ZNF277: variants seen among roughly 807,000 people sequenced by gnomAD.
ZNF277 encodes zinc finger protein 277, also known as nuclear receptor-interacting factor 4.
A neutral mutation model predicts 60.7 loss-of-function variants in ZNF277; 55 were observed. The observed-to-expected ratio is 0.91, with a 90% CI of 0.73 to 1.13. The LOEUF (loss-of-function observed/expected upper bound fraction) is 1.13, where lower values mean the gene tolerates loss of function less well. Ranked by LOEUF, ZNF277 falls within the 50% of genes most tolerant of loss-of-function variation. ZNF277 has a pLI of 0.00. For missense variants in ZNF277, 510 were observed against 523.0 expected, an observed-to-expected ratio of 0.98 and a Z score of 0.24; for synonymous variants, 178 against 179.3, an observed-to-expected ratio of 0.99 and a Z score of 0.06.
intron 5 of ZNF277, among the ~76,000 whole-genome samples, chr7:112,318,651 G>A (rs1161667065): frequency 2.0e-5 from 3 of 152,030 alleles, no homozygotes; most frequent in East Asian, 3.8e-4. Context: ...AGAAGTGGGG[G>A]CACTGGTGAT....
intron 2 of ZNF277, among the ~76,000 whole-genome samples, chr7:112,289,802 A>G (rs1235054722): frequency 6.6e-6 from 1 of 151,166 alleles, no homozygotes; most frequent in Non-Finnish European, 1.5e-5. Context: ...TTGGCTCAGT[A>G]CAACCTCCAC....
chr7:112,252,610 A>G (rs1417823432), intron 1 of ZNF277, among the ~76,000 whole-genome samples: 1 of 152,210 alleles, frequency 6.6e-6, no homozygotes, highest in African/African-American at 2.4e-5. Flanking sequence ...CAAACCTGGA[A>G]TCTGGGGGCA....
chr7:112,272,533 G>A (rs149222092), intron 1 of ZNF277, among the ~76,000 whole-genome samples: 1,929 of 151,998 alleles, frequency 0.013, 50 homozygotes, highest in African/African-American at 0.043. Flanking sequence ...TTCCTCTGTC[G>A]CCCAGGCTGG....
At chr7:112,210,959 T>C (rs1821729869) in intron 1 of ZNF277, among the ~76,000 whole-genome samples, 1 of 152,238 alleles carries the variant, frequency 6.6e-6, no homozygotes, top group Non-Finnish European at 1.5e-5. Flanking sequence ...ATAATACATT[T>C]AGGAGGCTTT....
chr7:112,294,584 G>C (rs1431510222), intron 2 of ZNF277, among the ~76,000 whole-genome samples: 1 of 152,172 alleles, frequency 6.6e-6, no homozygotes, highest in Non-Finnish European at 1.5e-5. Context: ...TACAGGAGAA[G>C]AAAAACTTAA....
chr7:112,267,095 A>G (rs1473163249), intron 1 of ZNF277, among the ~76,000 whole-genome samples: 1 of 152,162 alleles, frequency 6.6e-6, no homozygotes, highest in Non-Finnish European at 1.5e-5. Context: ...CCTAATTGTG[A>G]ATCACTGGTT....
chr7:112,285,433 A>C lies in ZNF277; in HGVS notation c.92-1440A>C, dbSNP rs113073121. 1.0e-2 allele frequency among the ~76,000 whole-genome samples: 1,321 copies of C among 132,370 alleles called. 19 individuals carry two copies. The highest frequency in any genetic ancestry group is 0.044 in the African/African-American group (1,252 of 28,698). The allele number at this position is 132,370 out of a possible 152,430, so 86.8% of individuals were successfully genotyped here. A position where few individuals can be genotyped will look rare whatever the true frequency, so the allele number is the denominator to read the frequency against. On this transcript the variant is annotated intron_variant, in intron 1 of 11. Coordinates refer to ENST00000361822, the MANE Select transcript of ZNF277 (RefSeq NM_021994.3). ...ATAAAGTAAGAAAAAAAAAATAGGA[A>C]ATTTTTTTTTTTTTTTTTTGGAATG... is the stretch of plus-strand genomic sequence containing the variant.
In ZNF277 at chr7:112,320,935, T is replaced by C. The variant is rs529221488; in HGVS notation, c.557+2662T>C. Among the ~76,000 whole-genome samples the C allele has an allele frequency of 1.5e-3, 220 of 142,408 alleles. 1 individual carries two copies. The highest frequency in any genetic ancestry group is 5.5e-3 in the African/African-American group (210 of 37,884). The allele number at this position is 142,408 out of a possible 152,430, so 93.4% of individuals were successfully genotyped here. On this transcript the variant is annotated intron_variant, in intron 5 of 11. Transcript: ENST00000361822. ...TTTCTTTCTTTTTTTTTTTTTTTTTTTTTTGAGATGGAGTCTCACTCTGTC... is the reference window on the plus strand; with the variant it reads ...TTTCTTTCTTTTTTTTTTTTTTTTTCTTTTGAGATGGAGTCTCACTCTGTC...
chr7:112,261,437 T>C (rs1332538588), intron 1 of ZNF277, among the ~76,000 whole-genome samples: 1 of 152,210 alleles, frequency 6.6e-6, no homozygotes, highest in Non-Finnish European at 1.5e-5. Flanking sequence ...ACTTTCTGAT[T>C]ATGTTTTTGT....
At chr7:112,308,995 TA>T (rs1217725965) in intron 4 of ZNF277, among the ~76,000 whole-genome samples, 11 of 152,098 alleles carry the variant, frequency 7.2e-5, no homozygotes, top group Admixed American at 7.2e-4. Context: ...TTCTTCTGTT[TA>T]TCTTTGTGTC....
intron 1 of ZNF277, among the ~76,000 whole-genome samples, chr7:112,243,246 A>C (rs1222412515): frequency 6.6e-6 from 1 of 152,082 alleles, no homozygotes; most frequent in East Asian, 1.9e-4. Context: ...AACCTAGGAA[A>C]AAATCTTTTG....
In ZNF277 at chr7:112,340,946, T is replaced by G. The variant is rs1380114511; in HGVS notation, c.1084T>G (p.Cys362Gly). The change falls in exon 11 of 12, where the codon TGC becomes GGC. Residue 362 changes from cysteine to glycine, a missense_variant. Physicochemically the swap from Cys to Gly is radical, Grantham distance 159. Transcript: ENST00000361822. ...RQVHQCRCYG[C>G]HVKFKSKADL... Reference sequence around the variant, plus strand: ...AGTTCACCAATGCAGATGTTATGGCTGCCATGTGAAGTTCAAATCCAAAGC... The same window carrying G: ...AGTTCACCAATGCAGATGTTATGGCGGCCATGTGAAGTTCAAATCCAAAGC... The G allele has an allele frequency of 1.2e-6, 2 of 1,612,980 alleles. No individual in the cohort carries two copies. The highest frequency in any genetic ancestry group is 2.7e-5 in the African/African-American group (2 of 74,884).
chr7:112,305,374 G>A (rs1039286608), intron 4 of ZNF277, among the ~76,000 whole-genome samples: 1 of 151,978 alleles, frequency 6.6e-6, no homozygotes, highest in Admixed American at 6.6e-5. Context: ...AATTCATATA[G>A]CTGAAATGAT....
rs149745970 is a variant in ZNF277 at position 112,323,034 on chromosome 7, T to G, written c.558-4683T>G. ...GTTAAATTCCTTGAACCACTGTATC[T>G]TCTGCCTTTTGCCAAGGGGCTTTGT... On this transcript the variant is annotated intron_variant, in intron 5 of 11. Coordinates refer to ENST00000361822, the MANE Select transcript of ZNF277 (RefSeq NM_021994.3). Among the ~76,000 whole-genome samples, 125 of 151,038 alleles carry G rather than the reference T, an allele frequency of 8.3e-4. 1 individual carries two copies. Among genetic ancestry groups the G allele is most frequent in the African/African-American group, 2.8e-3 (117 of 41,454 alleles).
chr7:112,340,760 A>C, intron 10 of ZNF277, 112 bp from the exon 11 acceptor site: 1 of 838,640 alleles, frequency 1.2e-6, no homozygotes, highest in Admixed American at 2.6e-5. Flanking sequence ...TTATAATTGT[A>C]CTGCCTCTTC....
At chr7:112,250,485 T>C (rs181322472) in intron 1 of ZNF277, among the ~76,000 whole-genome samples, 1,710 of 152,246 alleles carry the variant, frequency 0.011, 14 homozygotes, top group Non-Finnish European at 0.016. Context: ...TTTTTGAAAC[T>C]CCCTAATAAA....
chr7:112,337,934 C>A, intron 9 of ZNF277, 108 bp downstream of exon 9: 1 of 905,310 alleles, frequency 1.1e-6, no homozygotes. Context: ...ATTATTCCAA[C>A]CAGAAGAGAC....
intron 1 of ZNF277, among the ~76,000 whole-genome samples, chr7:112,248,650 T>C (rs1791136589): frequency 6.6e-6 from 1 of 152,146 alleles, no homozygotes; most frequent in African/African-American, 2.4e-5. Context: ...CTTTTCTGTA[T>C]ATGTATGTAT....
At chr7:112,233,497 C>G (rs1374661723) in intron 1 of ZNF277, among the ~76,000 whole-genome samples, 1 of 152,152 alleles carries the variant, frequency 6.6e-6, no homozygotes, top group African/African-American at 2.4e-5. Context: ...AAAGCAAAAG[C>G]CAGAGGTCAT....
Sources: gnomAD v4.1 joint callset for allele counts (sites outside exome capture counted in the v4.1 genomes callset) on GRCh38, gnomAD v4.1.1 for gene constraint, MANE v1.5 for transcripts, NCBI Gene and HGNC (gene_info 2026-07-23, HGNC 2026-07-21) for gene names.